Variants in FABP12 observed in about 807,000 individuals in gnomAD.
FABP12 encodes fatty acid binding protein 12, also known as fatty acid-binding protein 12.
A neutral mutation model predicts 13.7 loss-of-function variants in FABP12; 19 were observed. The ratio of observed to expected loss-of-function variants is 1.39; its 90% CI spans 0.97 to 2.04. FABP12 has a LOEUF of 2.04. Ranked by LOEUF, FABP12 falls within the 30% of genes most tolerant of loss-of-function variation. The probability of loss-of-function intolerance (pLI) is 0.00; values close to 1 mark genes in which losing one functional copy is unlikely to be tolerated. For missense variants in FABP12, 182 were observed against 164.2 expected, an observed-to-expected ratio of 1.11 and a Z score of -0.59; for synonymous variants, 61 against 57.0, an observed-to-expected ratio of 1.07 and a Z score of -0.32.
chr8:81,528,835 C>T (rs1808979686), intron 3 of FABP12, among the ~76,000 whole-genome samples: 1 of 152,134 alleles, frequency 6.6e-6, no homozygotes, highest in African/African-American at 2.4e-5. Context: ...TCTCTTTATC[C>T]TGGTGTTGGA....
At chr8:81,548,052 A>G (rs1207050974) in intron 1 of FABP12, among the ~76,000 whole-genome samples, 2 of 152,188 alleles carry the variant, frequency 1.3e-5, no homozygotes, top group East Asian at 3.8e-4. Flanking sequence ...TACCAAAAGG[A>G]CAAAGATTCC....
intron 1 of FABP12, among the ~76,000 whole-genome samples, chr8:81,560,907 C>T (rs961389835): frequency 2.0e-5 from 3 of 152,148 alleles, no homozygotes; most frequent in Non-Finnish European, 2.9e-5. Flanking sequence ...GTTGAACTCA[C>T]ATTTGGCTGT....
chr8:81,590,116 T>C (rs1037138993), exon 1 of FABP12, among the ~76,000 whole-genome samples: 1 of 152,202 alleles, frequency 6.6e-6, no homozygotes, highest in African/African-American at 2.4e-5. Flanking sequence ...TCCACCTGCA[T>C]GTTATGCAGA....
intron 2 of FABP12, 74 bp downstream of exon 2, chr8:81,531,169 T>G: frequency 2.1e-6 from 2 of 972,726 alleles, no homozygotes; most frequent in Non-Finnish European, 3.2e-6. Flanking sequence ...TAATATTATT[T>G]TATACAGAGC....
intron 1 of FABP12, among the ~76,000 whole-genome samples, chr8:81,556,012 A>T (rs1809608633): frequency 6.6e-6 from 1 of 152,208 alleles, no homozygotes; most frequent in Non-Finnish European, 1.5e-5. Flanking sequence ...TATCTTGGTA[A>T]CAGATCATGC....
intron 2 of FABP12, among the ~76,000 whole-genome samples, chr8:81,530,922 G>A (rs1392106796): frequency 6.6e-6 from 1 of 152,148 alleles, no homozygotes; most frequent in African/African-American, 2.4e-5. Flanking sequence ...ACTTTATTCT[G>A]AAGATCCCCT....
intron 1 of FABP12, among the ~76,000 whole-genome samples, chr8:81,587,389 C>T (rs938557949): frequency 6.6e-6 from 1 of 152,054 alleles, no homozygotes; most frequent in African/African-American, 2.4e-5. Flanking sequence ...GGCAGTATGG[C>T]CATTTTAACA....
chr8:81,540,020 G>A (rs1049353813), intron 1 of FABP12, among the ~76,000 whole-genome samples: 2 of 152,188 alleles, frequency 1.3e-5, no homozygotes, highest in African/African-American at 4.8e-5. Flanking sequence ...AATTGCCAAG[G>A]ACAAAGCCTG....
chr8:81,575,190 G>A (rs1446942802), intron 1 of FABP12, among the ~76,000 whole-genome samples: 13 of 152,008 alleles, frequency 8.6e-5, no homozygotes, highest in Admixed American at 7.2e-4. Context: ...TTTTAATTTC[G>A]ATCTTGGTTT....
At chr8:81,589,039 A>G (rs1316960234) in intron 1 of FABP12, among the ~76,000 whole-genome samples, 3 of 152,126 alleles carry the variant, frequency 2.0e-5, no homozygotes, top group Non-Finnish European at 2.9e-5. Context: ...GACCTCCCTC[A>G]GGTTGCATAA....
upstream of FABP12, among the ~76,000 whole-genome samples, chr8:81,534,290 G>C (rs988352626): frequency 5.3e-5 from 8 of 152,102 alleles, no homozygotes; most frequent in East Asian, 3.9e-4. Flanking sequence ...AAAGCAGGGA[G>C]CCTTTCATGC....
intron 1 of FABP12, among the ~76,000 whole-genome samples, chr8:81,577,508 C>G (rs1424522707): frequency 6.6e-6 from 1 of 152,078 alleles, no homozygotes; most frequent in Non-Finnish European, 1.5e-5. Context: ...TCTGTAATCC[C>G]AGCACTTTGG....
chr8:81,540,292 C>A (rs1208414548), intron 1 of FABP12, among the ~76,000 whole-genome samples: 1 of 152,216 alleles, frequency 6.6e-6, no homozygotes, highest in Non-Finnish European at 1.5e-5. Flanking sequence ...GAACCATTGA[C>A]CACACTTAGA....
chr8:81,553,991 T>C (rs1161691857), intron 1 of FABP12, among the ~76,000 whole-genome samples: 1 of 152,174 alleles, frequency 6.6e-6, no homozygotes, highest in Non-Finnish European at 1.5e-5. Flanking sequence ...GTCCCATTCC[T>C]TTAGCTCCAG....
At chr8:81,564,578 T>C (rs1365323351) in intron 1 of FABP12, among the ~76,000 whole-genome samples, 1 of 152,122 alleles carries the variant, frequency 6.6e-6, no homozygotes, top group Non-Finnish European at 1.5e-5. Context: ...CAGTTTTCTC[T>C]CTGTCAGTTT....
intron 3 of FABP12, among the ~76,000 whole-genome samples, chr8:81,528,915 C>A (rs973279895): frequency 6.6e-6 from 1 of 152,052 alleles, no homozygotes; most frequent in Non-Finnish European, 1.5e-5. Context: ...TTAGGGGGAG[C>A]AGATTTCCTG....
chr8:81,538,655 G>A (rs1809279977), upstream of FABP12, among the ~76,000 whole-genome samples: 2 of 152,042 alleles, frequency 1.3e-5, no homozygotes. Context: ...CTCCCCCAGA[G>A]CCTTCTAGAA....
chr8:81,538,989 C>T (rs1459741356), intron 2 of FABP12, among the ~76,000 whole-genome samples: 4 of 152,048 alleles, frequency 2.6e-5, no homozygotes, highest in Non-Finnish European at 4.4e-5. Flanking sequence ...GCTGGGATTA[C>T]GGGCGTGCAC....
intron 2 of FABP12, among the ~76,000 whole-genome samples, chr8:81,531,010 A>G (rs572891024): frequency 5.4e-4 from 83 of 152,348 alleles, no homozygotes; most frequent in South Asian, 1.9e-3. Flanking sequence ...ATTTATTAAA[A>G]TCACTTGCTG....
Sources: allele counts gnomAD v4.1 joint callset (sites outside exome capture counted in the v4.1 genomes callset), GRCh38; gene constraint gnomAD v4.1.1; transcripts MANE v1.5; gene names NCBI Gene and HGNC (gene_info 2026-07-23, HGNC 2026-07-21).